PTPRN2: variants seen among roughly 807,000 people sequenced by gnomAD.
The protein encoded by PTPRN2 is protein tyrosine phosphatase receptor type N2.
A neutral mutation model predicts 118.8 loss-of-function variants in PTPRN2; 74 were observed. The ratio of observed to expected loss-of-function variants is 0.62; its 90% confidence interval spans 0.52 to 0.76. PTPRN2 has a LOEUF of 0.76. Among genes scored for constraint, PTPRN2 ranks in the 30% least tolerant of loss-of-function variants. The pLI, the probability that PTPRN2 is intolerant of heterozygous loss-of-function variation, is 0.00. For missense variants in PTPRN2, 1,481 were observed against 1,394.4 expected, an observed-to-expected ratio of 1.06 and a Z score of -0.99; for synonymous variants, 641 against 608.0, an observed-to-expected ratio of 1.05 and a Z score of -0.80.
At chr7:158,232,876 A>G (rs1363447109) in intron 3 of PTPRN2, among the ~76,000 whole-genome samples, 1 of 152,232 alleles carries the variant, frequency 6.6e-6, no homozygotes, top group Non-Finnish European at 1.5e-5. Flanking sequence ...AAAATTCAAC[A>G]TCCCTTTATG....
At chr7:157,589,488 A>C (rs1800864768) in intron 17 of PTPRN2, among the ~76,000 whole-genome samples, 1 of 152,166 alleles carries the variant, frequency 6.6e-6, no homozygotes, top group African/African-American at 2.4e-5. Flanking sequence ...TCTGACAGGT[A>C]CCCAAAGCCG....
At chr7:158,492,037 A>G (rs554846163) in intron 1 of PTPRN2, among the ~76,000 whole-genome samples, 2 of 152,178 alleles carry the variant, frequency 1.3e-5, no homozygotes, top group Non-Finnish European at 2.9e-5. Flanking sequence ...AGGTCCTCTC[A>G]GATCCTCACG....
At chr7:158,104,313 G>T (rs1375675772) in intron 10 of PTPRN2, among the ~76,000 whole-genome samples, 1 of 152,178 alleles carries the variant, frequency 6.6e-6, no homozygotes, top group Admixed American at 6.5e-5. Flanking sequence ...TGAATCTCAG[G>T]CTCAAAGACT....
At chr7:158,340,481 C>G (rs1455236306) in intron 2 of PTPRN2, among the ~76,000 whole-genome samples, 1 of 114,210 alleles carries the variant, frequency 8.8e-6, no homozygotes, top group Admixed American at 9.0e-5. Context: ...ACACTCTCAC[C>G]ATAATAGGTG....
At chr7:157,770,543 G>A (rs1802739805) in intron 12 of PTPRN2, among the ~76,000 whole-genome samples, 1 of 152,238 alleles carries the variant, frequency 6.6e-6, no homozygotes, top group Admixed American at 6.5e-5. Flanking sequence ...TGGTATGTGA[G>A]CTTTTCCAAA....
chr7:158,261,768 G>A (rs888902769), intron 3 of PTPRN2, among the ~76,000 whole-genome samples: 2 of 152,196 alleles, frequency 1.3e-5, no homozygotes, highest in Admixed American at 6.5e-5. Context: ...TCAGGGCACC[G>A]CCATGAGCCA....
At chr7:158,043,707 T>C (rs1808639656) in intron 11 of PTPRN2, among the ~76,000 whole-genome samples, 2 of 152,182 alleles carry the variant, frequency 1.3e-5, no homozygotes, top group African/African-American at 4.8e-5. Context: ...TTTATAAACC[T>C]ACTCACCAGC....
intron 14 of PTPRN2, among the ~76,000 whole-genome samples, chr7:157,637,068 AC>A (rs1385583577): frequency 3.9e-5 from 6 of 152,244 alleles, no homozygotes; most frequent in African/African-American, 1.4e-4. Flanking sequence ...TTGTTCTACA[AC>A]ATTTTTTTAT....
At chr7:158,443,984 C>T (rs1433874785) in intron 2 of PTPRN2, among the ~76,000 whole-genome samples, 2 of 152,206 alleles carry the variant, frequency 1.3e-5, no homozygotes, top group Non-Finnish European at 2.9e-5. Flanking sequence ...GGCTCATACC[C>T]GTCTCTGGGT....
At chr7:158,202,427 A>G (rs998487629) in intron 4 of PTPRN2, among the ~76,000 whole-genome samples, 10 of 152,088 alleles carry the variant, frequency 6.6e-5, no homozygotes, top group Admixed American at 5.9e-4. Flanking sequence ...GGACAGCATG[A>G]GAGGGAGTGA....
chr7:158,306,055 G>A (rs1462844898), intron 3 of PTPRN2, among the ~76,000 whole-genome samples: 1 of 152,178 alleles, frequency 6.6e-6, no homozygotes. Flanking sequence ...GTTCCCTGGA[G>A]GACCCACTGG....
chr7:158,585,633 T>G (rs1563459275), intron 1 of PTPRN2, among the ~76,000 whole-genome samples: 2 of 152,246 alleles, frequency 1.3e-5, no homozygotes. Context: ...CCTCTCTTCA[T>G]GCACTTCCAT....
intron 5 of PTPRN2, among the ~76,000 whole-genome samples, chr7:158,180,261 CT>C (rs2150656051): frequency 6.6e-6 from 1 of 152,302 alleles, no homozygotes; most frequent in South Asian, 2.1e-4. Context: ...GTTTTCTATG[CT>C]TTTTCAAAGA....
chr7:158,329,871 TCTGA>T (rs941781739), intron 2 of PTPRN2, among the ~76,000 whole-genome samples: 24 of 152,128 alleles, frequency 1.6e-4, no homozygotes, highest in African/African-American at 5.8e-4. Flanking sequence ...GATGCCAGCG[TCTGA>T]CTGAGAAAAT....
intron 12 of PTPRN2, among the ~76,000 whole-genome samples, chr7:157,735,994 C>T (rs992476559): frequency 6.6e-6 from 1 of 152,234 alleles, no homozygotes; most frequent in Admixed American, 6.5e-5. Flanking sequence ...GGGTCAGAGA[C>T]GGCCGGTGGG....
In PTPRN2 at chr7:157,923,510, C is replaced by T. The variant is rs374966107; in HGVS notation, c.1724-24773G>A. 1.9e-3 allele frequency among the ~76,000 whole-genome samples: 285 copies of T among 152,320 alleles called. 4 individuals are homozygous for T. The highest frequency in any genetic ancestry group is 6.4e-3 in the African/African-American group (268 of 41,568). ...GGAAAAATCCAAAGAACATCATCCCCGTCTTTCCACCTGTGTCAGTTCCTT... is the reference window on the plus strand; with the variant it reads ...GGAAAAATCCAAAGAACATCATCCCTGTCTTTCCACCTGTGTCAGTTCCTT... On this transcript the variant is annotated intron_variant, in intron 11 of 22. Transcript: ENST00000389418.
chr7:157,915,459 G>A (rs910617943), intron 11 of PTPRN2, among the ~76,000 whole-genome samples: 10 of 20,718 alleles, frequency 4.8e-4, no homozygotes, highest in African/African-American at 8.6e-4. Context: ...CGCCTTCCCC[G>A]CCACACACAC....
At chr7:158,159,361 G>A (rs1408144514) in intron 6 of PTPRN2, among the ~76,000 whole-genome samples, 1 of 152,240 alleles carries the variant, frequency 6.6e-6, no homozygotes, top group African/African-American at 2.4e-5. Flanking sequence ...TAGGACAGAG[G>A]CTGGCTGGGT....
chr7:157,735,126 C>T (rs540397418), intron 12 of PTPRN2, among the ~76,000 whole-genome samples: 23 of 152,344 alleles, frequency 1.5e-4, no homozygotes, highest in African/African-American at 4.3e-4. Flanking sequence ...CAGCTGAACA[C>T]GGCTCCTGTG....
Sources: gnomAD v4.1 joint callset for allele counts (sites outside exome capture counted in the v4.1 genomes callset) on GRCh38, gnomAD v4.1.1 for gene constraint, MANE v1.5 for transcripts, NCBI Gene and HGNC (gene_info 2026-07-23, HGNC 2026-07-21) for gene names.